The following DPP9 variants were observed in gnomAD, a reference collection of about 807,000 sequenced individuals.
DPP9 encodes the protein dipeptidyl peptidase IV-related protein-2.
Under a neutral mutation model 110.7 loss-of-function variants are expected in DPP9, and 50 were observed. That is an observed-to-expected ratio of 0.45 (90% CI 0.36 to 0.57). The LOEUF (loss-of-function observed/expected upper bound fraction) is 0.57. DPP9 is among the 20% of genes least tolerant of loss of function. The probability of loss-of-function intolerance (pLI) is 0.00; values close to 1 mark genes in which losing one functional copy is unlikely to be tolerated. For missense variants in DPP9, 1,022 were observed against 1,217.9 expected (o/e 0.84, Z 2.39); for synonymous variants, 561 against 514.4 (o/e 1.09, Z -1.23).
rs1265978587 is a variant in DPP9 at position 4,694,022 on chromosome 19, C to T, written c.1516+639G>A. Among the ~76,000 whole-genome samples, 3 of 151,732 alleles carry T rather than the reference C, an allele frequency of 2.0e-5. No individual in the cohort carries two copies. The highest frequency in any genetic ancestry group is 2.4e-5 in the African/African-American group (1 of 41,390). On this transcript the variant is annotated intron_variant, in intron 13 of 21. Coordinates refer to ENST00000262960, the MANE Select transcript of DPP9 (RefSeq NM_139159.5). The surrounding 1 kb of genome is among the most constrained non-coding windows in gnomAD (Gnocchi z 4.0). ...TGCCCTCCCGTTGTAGAAAGAAGGC[C>T]CCTCACCCTCAAGCCTCTCGCCCGA...
In DPP9 at chr19:4,719,868, G is replaced by A; in HGVS notation, c.39C>T (p.Asn13=). ...AACCTCACCTTCTCCAACTTCCGGT[G>A]TTCTCCTTGTCCAGGCGCAGTTTCT... ...KVKKLRLDKE[N]TGSWRSFSLN... Residue 13 remains asparagine, a synonymous_variant, in exon 3 of 22, where the codon AAC becomes AAT. Coordinates refer to ENST00000262960, the MANE Select transcript of DPP9 (RefSeq NM_139159.5). The A allele has an allele frequency of 1.3e-6, 2 of 1,551,766 alleles. No homozygotes were observed. Among genetic ancestry groups the A allele is most frequent in the Non-Finnish European group, 1.7e-6 (2 of 1,146,998 alleles).
chr19:4,716,444 T>C (rs1215828471), intron 3 of DPP9, among the ~76,000 whole-genome samples: 1 of 152,128 alleles, frequency 6.6e-6, no homozygotes, highest in African/African-American at 2.4e-5. Context: ...GAGACCATCC[T>C]GGCTAACACG....
intron 4 of DPP9, among the ~76,000 whole-genome samples, chr19:4,713,577 G>A (rs2092934042): frequency 6.6e-6 from 1 of 152,224 alleles, no homozygotes; most frequent in South Asian, 2.1e-4. Context: ...GGCAAACCAG[G>A]TTCTGCCATC....
In DPP9 at chr19:4,691,501, A is replaced by G. The variant is rs375971166; in HGVS notation, c.1517-544T>C. Reference sequence around the variant, plus strand: ...AAAAAAAAAACAAAAAACAAAAAACAGGAAGAGAAACCAGGAATCTGGATT... The same window carrying G: ...AAAAAAAAAACAAAAAACAAAAAACGGGAAGAGAAACCAGGAATCTGGATT... On this transcript the variant is annotated intron_variant, in intron 13 of 21. Transcript: ENST00000262960. Among the ~76,000 whole-genome samples the G allele has an allele frequency of 2.0e-5, 3 of 150,972 alleles. No individual in the cohort carries two copies. The East Asian group carries it at 5.9e-4, about 29-fold the overall frequency.
rs1031335108 is a variant in DPP9 at position 4,693,114 on chromosome 19, G to C, written c.1516+1547C>G. Among the ~76,000 whole-genome samples, 3 of 152,180 alleles carry C rather than the reference G, an allele frequency of 2.0e-5. No homozygotes were observed. The highest frequency in any genetic ancestry group is 1.3e-4 in the Admixed American group (2 of 15,288). Reference sequence around the variant, plus strand: ...CACCGGACCACATCTAGGGACATCTGTGGTTGTCACAACTGGAGGTGCTCC... The same window carrying C: ...CACCGGACCACATCTAGGGACATCTCTGGTTGTCACAACTGGAGGTGCTCC... On this transcript the variant is annotated intron_variant, in intron 13 of 21. Transcript: ENST00000262960. The surrounding 1 kb of genome is among the most constrained non-coding windows in gnomAD (Gnocchi z 5.0).
Position 4,719,952 on chromosome 19 carries a change from G to A in DPP9, c.-35-11C>T. On this transcript the variant is annotated splice_polypyrimidine_tract_variant and intron_variant, in intron 2 of 21. Coordinates refer to ENST00000262960, the MANE Select transcript of DPP9 (RefSeq NM_139159.5). ...GGAGGGCAGGGGTGCCTGCGGGCAA[G>A]TGGGAGGAGAGATCAAAGGGCTGCA... is the stretch of plus-strand genomic sequence containing the variant. The A allele has an allele frequency of 6.4e-7, 1 of 1,550,516 alleles. No homozygotes were observed. The highest frequency in any genetic ancestry group is 1.2e-5 in the South Asian group (1 of 84,046).
intron 4 of DPP9, 140 bp downstream of exon 4, chr19:4,713,941 G>A: frequency 7.6e-7 from 1 of 1,320,098 alleles, no homozygotes. Context: ...CTGTGGCTGA[G>A]CCTCGAAGGA....
intron 21 of DPP9, among the ~76,000 whole-genome samples, chr19:4,677,420 G>A (rs1035589923): frequency 3.3e-5 from 5 of 152,248 alleles, no homozygotes; most frequent in Non-Finnish European, 5.9e-5. Flanking sequence ...GCCCATCTAC[G>A]CCACCTCCTG....
At chr19:4,683,094 C>T (rs1043298179) in intron 19 of DPP9, 4 of 1,485,264 alleles carry the variant, frequency 2.7e-6, no homozygotes, top group Non-Finnish European at 2.7e-6. Flanking sequence ...TCCCACTGCC[C>T]GTCTGCCTCC....
Position 4,704,897 on chromosome 19 carries a change from G to A in DPP9, c.427-593C>T, listed in dbSNP as rs1415413713. Among the ~76,000 whole-genome samples, 2 of 152,190 alleles carry A rather than the reference G, an allele frequency of 1.3e-5. No homozygotes were observed. Among genetic ancestry groups the A allele is most frequent in the South Asian group, 2.1e-4 (1 of 4,836 alleles). On this transcript the variant is annotated intron_variant, in intron 5 of 21. Transcript: ENST00000262960. The surrounding 1 kb of genome is among the most constrained non-coding windows in gnomAD (Gnocchi z 6.0). ...GCCTGTAGTCCCAGCTACTTGGGACGCTGAGGCAGAAGAATCACTTGAACC... is the reference window on the plus strand; with the variant it reads ...GCCTGTAGTCCCAGCTACTTGGGACACTGAGGCAGAAGAATCACTTGAACC...
At position 4,714,283 on chromosome 19, in the gene DPP9, C is replaced by T. The variant is rs751197343; in HGVS notation, c.111G>A (p.Thr37=). 44 of 1,550,570 alleles carry T rather than the reference C, an allele frequency of 2.8e-5. No homozygotes were observed. Among genetic ancestry groups the T allele is most frequent in the Middle Eastern group, 1.7e-4 (1 of 5,988 alleles). The change falls in exon 4 of 22, where the codon ACG becomes ACA. Residue 37 remains threonine (T), a synonymous_variant. Coordinates refer to ENST00000262960, the MANE Select transcript of DPP9 (RefSeq NM_139159.5). ...TGGCGGCTGCGTCGCCTCGGTCGGC[C>T]GTTGGGGTCCCGGTGGTGGCCATCC... The part of the protein sequence containing the change: ...AERMATTGTP[T]ADRGDAAATD...
chr19:4,684,657 T>C lies in DPP9; in HGVS notation c.2178+6A>G. 6.2e-7 allele frequency: 1 copy of C among 1,612,736 alleles called. No individual in the cohort carries two copies. ...AGGACCCAGAGCAACAGGGAGGAGT[T>C]GTTACCATTTGGTTTTTCAGGGCCC... On this transcript the variant is annotated splice_donor_region_variant and intron_variant, in intron 18 of 21. Transcript: ENST00000262960. This position sits in a 1 kb window ranked among gnomAD's most constrained non-coding sequence, Gnocchi z 4.8.
chr19:4,700,066 G>A lies in DPP9; in HGVS notation c.1074+150C>T. 2.0e-6 allele frequency: 1 copy of A among 510,186 alleles called. No individual in the cohort carries two copies. Among genetic ancestry groups the A allele is most frequent in the East Asian group, 3.4e-5 (1 of 29,168 alleles). The allele number at this position is 510,186 out of a possible 1,614,324, so 31.6% of individuals were successfully genotyped here. A position where few individuals can be genotyped will look rare whatever the true frequency, so the allele number is the denominator to read the frequency against. On this transcript the variant is annotated intron_variant, in intron 10 of 21. Coordinates refer to ENST00000262960, the MANE Select transcript of DPP9 (RefSeq NM_139159.5). The surrounding 1 kb of genome is among the most constrained non-coding windows in gnomAD (Gnocchi z 4.3). The stretch of plus-strand genomic sequence containing the variant: ...ACAGGTCCAGAGACACACAGGGAAG[G>A]CCTGTGGCTAGGCGGACCGGGCGGC...
Position 4,683,529 on chromosome 19 carries a change from T to A in DPP9, c.2279A>T (p.Tyr760Phe). The A allele has an allele frequency of 6.2e-7, 1 of 1,613,306 alleles. No individual in the cohort carries two copies. Among genetic ancestry groups the A allele is most frequent in the Non-Finnish European group, 8.5e-7 (1 of 1,179,840 alleles). Reference sequence around the variant, plus strand: ...CCCCATGAGCGAGAGGAAGCCCCCGTAGGACCAGCCATGGATGGCAACTCG... The same window carrying A: ...CCCCATGAGCGAGAGGAAGCCCCCGAAGGACCAGCCATGGATGGCAACTCG... ...LSRVAIHGWS[Y>F]GGFLSLMGLI... is the part of the protein sequence containing the mutation. Residue 760 changes from tyrosine to phenylalanine, a missense_variant, in exon 19 of 22, where the codon TAC becomes TTC. Transcript: ENST00000262960.
chr19:4,706,974 C>A (rs926388701), intron 4 of DPP9, among the ~76,000 whole-genome samples: 3 of 152,146 alleles, frequency 2.0e-5, no homozygotes, highest in Non-Finnish European at 4.4e-5. Flanking sequence ...CCAGGGGCAC[C>A]CCACAGTCGT....
In DPP9 at chr19:4,718,621, CAG is replaced by C. The variant is rs562693676; in HGVS notation, c.56+1228_56+1229del. On this transcript the variant is annotated intron_variant, in intron 3 of 21. Coordinates refer to ENST00000262960, the MANE Select transcript of DPP9 (RefSeq NM_139159.5). The surrounding 1 kb of genome is among the most constrained non-coding windows in gnomAD (Gnocchi z 4.3). ...CTTTAGCTTTGATGAGCAACCTTTA[CAG>C]AGTCACCCAGCAGCCTGTGCCCAGG... Among the ~76,000 whole-genome samples the C allele has an allele frequency of 1.7e-3, 255 of 152,342 alleles. 1 individual carries two copies. Among genetic ancestry groups the C allele is most frequent in the Non-Finnish European group, 2.4e-3 (163 of 68,016 alleles).
intron 14 of DPP9, among the ~76,000 whole-genome samples, chr19:4,690,546 G>C (rs1166072223): frequency 6.6e-6 from 1 of 152,264 alleles, no homozygotes; most frequent in Non-Finnish European, 1.5e-5. Context: ...ACGGCCTGCA[G>C]AGGACACACT....
At chr19:4,690,112 C>G (rs1053553729) in intron 14 of DPP9, among the ~76,000 whole-genome samples, 1 of 152,360 alleles carries the variant, frequency 6.6e-6, no homozygotes, top group Non-Finnish European at 1.5e-5. Context: ...TTCCTCCGAC[C>G]CAGGTGCTTG....
intron 4 of DPP9, among the ~76,000 whole-genome samples, chr19:4,709,434 C>T (rs964160129): frequency 6.6e-6 from 1 of 151,990 alleles, no homozygotes; most frequent in African/African-American, 2.4e-5. Context: ...GGAGAAAAAT[C>T]GTGCGGAGAC....
Sources: allele counts gnomAD v4.1 joint callset (sites outside exome capture counted in the v4.1 genomes callset), GRCh38; gene constraint gnomAD v4.1.1; non-coding constraint Gnocchi (gnomAD v3.1); transcripts MANE v1.5; gene names NCBI Gene and HGNC (gene_info 2026-07-23, HGNC 2026-07-21).